IPCEF1: variants seen among roughly 807,000 people sequenced by gnomAD.
IPCEF1 encodes interaction protein for cytohesin exchange factors 1.
IPCEF1 carries 31 observed loss-of-function variants against 50.9 expected under a neutral mutation model. The ratio of observed to expected loss-of-function variants is 0.61; its 90% CI spans 0.46 to 0.82. IPCEF1 has a LOEUF of 0.82. Ranked by LOEUF, IPCEF1 falls within the 40% of genes least tolerant of loss-of-function variation. IPCEF1 has a pLI of 0.00. For missense variants in IPCEF1, 458 were observed against 514.0 expected (o/e 0.89, Z 1.05); for synonymous variants, 181 against 192.0 (o/e 0.94, Z 0.47).
intron 1 of IPCEF1, among the ~76,000 whole-genome samples, chr6:154,333,966 T>A (rs1372790620): frequency 6.6e-6 from 1 of 152,136 alleles, no homozygotes; most frequent in Non-Finnish European, 1.5e-5. Context: ...ACCATCTTCA[T>A]GTACAACGGA....
At chr6:154,352,810 T>C (rs996801172) in intron 1 of IPCEF1, among the ~76,000 whole-genome samples, 8 of 152,246 alleles carry the variant, frequency 5.3e-5, no homozygotes, top group African/African-American at 9.6e-5. Flanking sequence ...TGTGACTCTA[T>C]AGAAATGTTT....
At chr6:154,309,024 G>A (rs1783008503) in intron 1 of IPCEF1, among the ~76,000 whole-genome samples, 1 of 152,140 alleles carries the variant, frequency 6.6e-6, no homozygotes, top group South Asian at 2.1e-4. Flanking sequence ...TTGCAAATAT[G>A]TTAAGTCATC....
At chr6:154,263,451 A>C (rs1465113689) in intron 3 of IPCEF1, among the ~76,000 whole-genome samples, 4 of 126,394 alleles carry the variant, frequency 3.2e-5, no homozygotes, top group African/African-American at 1.2e-4. Flanking sequence ...ATGACTCTTA[A>C]GGAGCATGCT....
chr6:154,313,456 T>C (rs1478617559), intron 1 of IPCEF1, among the ~76,000 whole-genome samples: 1 of 152,130 alleles, frequency 6.6e-6, no homozygotes, highest in Non-Finnish European at 1.5e-5. Context: ...TGTATTTCAA[T>C]TTAACAGTAA....
intron 5 of IPCEF1, among the ~76,000 whole-genome samples, chr6:154,225,530 C>A (rs1054195777): frequency 6.6e-6 from 1 of 152,140 alleles, no homozygotes; most frequent in African/African-American, 2.4e-5. Flanking sequence ...TATGAAATAT[C>A]CAGAAGTGGA....
intron 7 of IPCEF1, among the ~76,000 whole-genome samples, chr6:154,218,627 A>G (rs950771441): frequency 6.6e-6 from 1 of 152,220 alleles, no homozygotes; most frequent in Non-Finnish European, 1.5e-5. Flanking sequence ...TGTTATTGCA[A>G]AGTAAATCTC....
At chr6:154,354,415 A>G (rs118173744) in intron 1 of IPCEF1, among the ~76,000 whole-genome samples, 3 of 46,728 alleles carry the variant, frequency 6.4e-5, no homozygotes, top group African/African-American at 3.8e-4. Flanking sequence ...CTCCACCACC[A>G]CCTCCACCAC....
intron 5 of IPCEF1, among the ~76,000 whole-genome samples, chr6:154,232,921 G>C (rs1779831791): frequency 6.6e-6 from 1 of 151,110 alleles, no homozygotes; most frequent in Non-Finnish European, 1.5e-5. Flanking sequence ...GAAAACAAAA[G>C]AGAAGGAATG....
intron 10 of IPCEF1, among the ~76,000 whole-genome samples, chr6:154,193,386 T>A (rs1163969380): frequency 2.6e-5 from 4 of 152,092 alleles, no homozygotes; most frequent in African/African-American, 7.2e-5. Flanking sequence ...AGGTGACAGA[T>A]AAAAGACTAC....
Position 154,198,611 on chromosome 6 carries a change from CA to C in IPCEF1, c.910+1056del, listed in dbSNP as rs1489148670. On this transcript the variant is annotated intron_variant, in intron 10 of 11. Coordinates refer to ENST00000367220, the MANE Select transcript of IPCEF1 (RefSeq NM_001130700.2). ...TTACCAGGCTGAGTAATGAAATTTA[CA>C]TACTTTTAAAATATTACATACACAC... Among the ~76,000 whole-genome samples the C allele has an allele frequency of 4.1e-5, 6 of 145,326 alleles. No homozygotes were observed. The East Asian group carries it at 1.3e-3, about 31-fold the overall frequency.
intron 2 of IPCEF1, among the ~76,000 whole-genome samples, chr6:154,285,877 T>C (rs745745268): frequency 6.6e-6 from 1 of 152,192 alleles, no homozygotes; most frequent in African/African-American, 2.4e-5. Context: ...CTTGAATCAC[T>C]TGGTAACATA....
intron 1 of IPCEF1, among the ~76,000 whole-genome samples, chr6:154,346,230 A>T (rs1305946310): frequency 6.6e-6 from 1 of 151,414 alleles, no homozygotes; most frequent in African/African-American, 2.4e-5. Context: ...TGTTAACTAT[A>T]ATTATTTCAA....
intron 11 of IPCEF1, 96 bp from the exon 12 acceptor site, chr6:154,160,136 ATAAAAT>A (rs1279937413): frequency 2.2e-6 from 2 of 917,536 alleles, no homozygotes; most frequent in East Asian, 5.1e-5. Flanking sequence ...ACACATATAC[ATAAAAT>A]TACCAAAGCA....
Position 154,341,262 on chromosome 6 carries a change from G to C in IPCEF1, c.-62+15410C>G, listed in dbSNP as rs374089281. Among the ~76,000 whole-genome samples the C allele has an allele frequency of 3.3e-4, 50 of 152,310 alleles. No homozygotes were observed. In the East Asian group the frequency reaches 9.6e-3, roughly 29 times the overall value. ...TAGCTTAGTGATTTTGGGGGCTCAA[G>C]ATATTTTCCTTTCACACTAGGGACA... On this transcript the variant is annotated intron_variant, in intron 1 of 11. Coordinates refer to ENST00000367220, the MANE Select transcript of IPCEF1 (RefSeq NM_001130700.2).
chr6:154,221,847 C>G (rs1023255352), intron 6 of IPCEF1, among the ~76,000 whole-genome samples: 2 of 152,164 alleles, frequency 1.3e-5, no homozygotes, highest in African/African-American at 4.8e-5. Flanking sequence ...GCACTCCAGT[C>G]TGGGTGACAG....
chr6:154,247,573 G>T, intron 3 of IPCEF1, 85 bp from the exon 4 acceptor site: 1 of 1,135,268 alleles, frequency 8.8e-7, no homozygotes. Context: ...GGAGGTGGCA[G>T]TGTTTATGAG....
intron 10 of IPCEF1, among the ~76,000 whole-genome samples, chr6:154,179,486 A>G (rs1381256015): frequency 6.6e-6 from 1 of 152,178 alleles, no homozygotes; most frequent in Non-Finnish European, 1.5e-5. Context: ...CGGGAGCCAA[A>G]TTAATTATTT....
intron 1 of IPCEF1, among the ~76,000 whole-genome samples, chr6:154,333,186 T>C (rs578070792): frequency 5.4e-4 from 82 of 152,190 alleles, no homozygotes; most frequent in African/African-American, 1.9e-3. Context: ...TAATACTGAG[T>C]GTCAACTTGA....
chr6:154,313,082 A>AAAAAAAAAAAAAAC (rs1314607465), intron 1 of IPCEF1, among the ~76,000 whole-genome samples: 1 of 149,850 alleles, frequency 6.7e-6, no homozygotes, highest in African/African-American at 2.5e-5. Flanking sequence ...AAAAAAAAAA[A>AAAAAAAAAAAAAAC]AAAACATGGC....
Sources: allele counts gnomAD v4.1 joint callset (sites outside exome capture counted in the v4.1 genomes callset), GRCh38; gene constraint gnomAD v4.1.1; transcripts MANE v1.5; gene names NCBI Gene and HGNC (gene_info 2026-07-23, HGNC 2026-07-21).